The following SGK3 variants were observed in gnomAD, a reference collection of about 807,000 sequenced individuals.
SGK3 encodes the protein serum/glucocorticoid regulated kinase family member 3, also known as serine/threonine-protein kinase Sgk3.
SGK3 carries 47 observed loss-of-function variants against 68.5 expected under a neutral mutation model. That is an observed-to-expected ratio of 0.69 (90% CI 0.54 to 0.87). The LOEUF (loss-of-function observed/expected upper bound fraction) is 0.87. Among genes scored for constraint, SGK3 ranks in the 40% least tolerant of loss-of-function variants. The pLI, the probability that SGK3 is intolerant of heterozygous loss-of-function variation, is 0.00. For synonymous variants in SGK3, 181 were observed against 189.1 expected (o/e 0.96, Z 0.35); for missense variants, 479 against 575.5 (o/e 0.83, Z 1.72).
intron 16 of SGK3, among the ~76,000 whole-genome samples, chr8:66,851,549 T>C (rs1011231515): frequency 6.7e-6 from 1 of 149,154 alleles, no homozygotes; most frequent in African/African-American, 2.5e-5. Flanking sequence ...AAAAAACAGG[T>C]ATAGACAAAC....
At chr8:66,837,456 A>T (rs1176858342) in intron 10 of SGK3, among the ~76,000 whole-genome samples, 1 of 152,162 alleles carries the variant, frequency 6.6e-6, no homozygotes, top group African/African-American at 2.4e-5. Context: ...TGTAAAAAGA[A>T]TGATTATTCA....
chr8:66,768,982 T>C (rs1806414474), intron 1 of SGK3, among the ~76,000 whole-genome samples: 1 of 152,232 alleles, frequency 6.6e-6, no homozygotes, highest in Non-Finnish European at 1.5e-5. Flanking sequence ...TGGTTTTTAG[T>C]ACTTTTATTG....
chr8:66,854,380 A>G (rs887700060), intron 16 of SGK3, among the ~76,000 whole-genome samples: 4 of 152,190 alleles, frequency 2.6e-5, no homozygotes, highest in African/African-American at 7.2e-5. Flanking sequence ...AGTATAGCAT[A>G]GAAAATAATC....
In SGK3 at chr8:66,850,905, A is replaced by G; in HGVS notation, c.1305A>G (p.Pro435=). The change falls in exon 16 of 17, where the codon CCA becomes CCG. Residue 435 remains proline, a synonymous_variant. Transcript: ENST00000521198. The part of the protein sequence containing the change: ...ADLVQKKIPP[P]FNPNVAGPDD... ...TTGTACAAAAGAAGATTCCACCACC[A>G]TTTAATCCTAATGTGGTAAGTATAT... 1 of 1,610,768 alleles carries G rather than the reference A, an allele frequency of 6.2e-7. No homozygotes were observed. Among genetic ancestry groups the G allele is most frequent in the East Asian group, 2.2e-5 (1 of 44,798 alleles).
In SGK3 at chr8:66,804,383, A is replaced by G. The variant is rs1808070195; in HGVS notation, c.189A>G (p.Lys63=). The stretch of plus-strand genomic sequence containing the variant: ...ATTTTTAAAAATTTTAGTTAAAAAA[A>G]CAGTTTCCTGCTATGGCCCTGAAGA... ...EFDKLYNTLK[K]QFPAMALKIP... The change falls in exon 4 of 17, where the codon AAA becomes AAG. Residue 63 remains lysine, a synonymous_variant. Transcript: ENST00000521198. 2 of 1,608,352 alleles carry G rather than the reference A, an allele frequency of 1.2e-6. No individual in the cohort carries two copies. The highest frequency in any genetic ancestry group is 2.2e-5 in the South Asian group (2 of 89,754).
At chr8:66,774,737 G>A (rs996939254) in intron 1 of SGK3, among the ~76,000 whole-genome samples, 2 of 152,128 alleles carry the variant, frequency 1.3e-5, no homozygotes, top group African/African-American at 4.8e-5. Flanking sequence ...TAAAGGATGT[G>A]TGGTGGAGAC....
At chr8:66,778,579 G>C (rs963980696) in intron 1 of SGK3, among the ~76,000 whole-genome samples, 1 of 152,236 alleles carries the variant, frequency 6.6e-6, no homozygotes, top group Non-Finnish European at 1.5e-5. Context: ...ACAGGCGTGA[G>C]CCACCGTGCC....
chr8:66,736,919 C>T (rs183271139), intron 1 of SGK3, among the ~76,000 whole-genome samples: 10 of 151,960 alleles, frequency 6.6e-5, no homozygotes, highest in African/African-American at 2.2e-4. Flanking sequence ...GTGCCCGGCC[C>T]ACCCAGCTAC....
At chr8:66,777,150 C>G (rs1402122007) in intron 1 of SGK3, among the ~76,000 whole-genome samples, 2 of 152,220 alleles carry the variant, frequency 1.3e-5, no homozygotes, top group Non-Finnish European at 2.9e-5. Context: ...TTGTTAGTTG[C>G]TGACTCTTCC....
chr8:66,814,601 G>A (rs12114734), intron 5 of SGK3, among the ~76,000 whole-genome samples: 19,422 of 152,166 alleles, frequency 0.13, 2,334 homozygotes, highest in African/African-American at 0.31. Flanking sequence ...GGGGTTGGGT[G>A]CACATGCCAC....
At chr8:66,734,230 T>TTC (rs1181158963) in intron 1 of SGK3, among the ~76,000 whole-genome samples, 1 of 109,222 alleles carries the variant, frequency 9.2e-6, no homozygotes, top group Non-Finnish European at 1.7e-5. Flanking sequence ...TTTTCTTTCT[T>TTC]TTTTTTTTTT....
intron 5 of SGK3, among the ~76,000 whole-genome samples, chr8:66,817,320 A>G (rs997976974): frequency 2.0e-5 from 3 of 151,584 alleles, no homozygotes; most frequent in Admixed American, 2.0e-4. Context: ...GGTCCCAGCT[A>G]CTTGGGAGGC....
In SGK3 at chr8:66,726,103, A is replaced by C. The variant is rs562751715; in HGVS notation, c.-122+13270A>C. Among the ~76,000 whole-genome samples, 11 of 152,252 alleles carry C rather than the reference A, an allele frequency of 7.2e-5. No individual in the cohort carries two copies. The South Asian group carries it at 8.3e-4, about 11-fold the overall frequency. On this transcript the variant is annotated intron_variant, in intron 1 of 16. Coordinates refer to ENST00000521198, the MANE Select transcript of SGK3 (RefSeq NM_001033578.3). ...GCTAAGCCAAATATTTTCTTTCATC[A>C]GGATTTTTGTAGTTTTTATCATGTA...
intron 1 of SGK3, among the ~76,000 whole-genome samples, chr8:66,776,685 C>T (rs1806725822): frequency 6.6e-6 from 1 of 152,216 alleles, no homozygotes; most frequent in South Asian, 2.1e-4. Flanking sequence ...CTATCTTTAT[C>T]TTTGACAGTT....
At chr8:66,809,975 A>G (rs922335581) in intron 4 of SGK3, among the ~76,000 whole-genome samples, 2 of 152,300 alleles carry the variant, frequency 1.3e-5, no homozygotes, top group African/African-American at 4.8e-5. Flanking sequence ...GCTAGCAAGG[A>G]GGAAGCCTCG....
Position 66,835,941 on chromosome 8 carries a change from A to C in SGK3, c.610-2A>C, listed in dbSNP as rs1249170311. The C allele has an allele frequency of 1.9e-6, 3 of 1,612,240 alleles. No homozygotes were observed. Among genetic ancestry groups the C allele is most frequent in the Non-Finnish European group, 2.5e-6 (3 of 1,179,532 alleles). ...ACAATTGATCTTTTGCCTTTTTTCCAGCAAAAACATATTATGGCTGAACGT... is the reference window on the plus strand; with the variant it reads ...ACAATTGATCTTTTGCCTTTTTTCCCGCAAAAACATATTATGGCTGAACGT... On this transcript the variant is annotated splice_acceptor_variant, in intron 9 of 16. Transcript: ENST00000521198. LOFTEE classifies it high-confidence loss of function.
At chr8:66,836,143 G>A in intron 10 of SGK3, 69 bp downstream of exon 10, 2 of 1,544,578 alleles carry the variant, frequency 1.3e-6, no homozygotes, top group Non-Finnish European at 1.7e-6. Context: ...AGTTTTTCTT[G>A]TAAGTTTTAG....
intron 10 of SGK3, among the ~76,000 whole-genome samples, chr8:66,837,806 C>A (rs973056495): frequency 3.3e-5 from 5 of 152,018 alleles, no homozygotes; most frequent in African/African-American, 1.2e-4. Flanking sequence ...TCCCTTAAGA[C>A]TCTTCAGTGT....
At chr8:66,819,833 T>C (rs1179325728) in intron 5 of SGK3, among the ~76,000 whole-genome samples, 1 of 152,000 alleles carries the variant, frequency 6.6e-6, no homozygotes, top group Non-Finnish European at 1.5e-5. Context: ...GTTTTTTTTT[T>C]TGGAGACAGA....
Sources: allele counts gnomAD v4.1 joint callset (sites outside exome capture counted in the v4.1 genomes callset), GRCh38; gene constraint gnomAD v4.1.1; transcripts MANE v1.5; gene names NCBI Gene and HGNC (gene_info 2026-07-23, HGNC 2026-07-21).